The following ADAT3 variants were observed in gnomAD, a reference collection of about 807,000 sequenced individuals.
ADAT3 encodes tRNA-specific adenosine-34 deaminase regulatory subunit ADAT3.
A neutral mutation model predicts 3.5 loss-of-function variants in ADAT3; 2 were observed. The observed-to-expected ratio is 0.57, with a 90% CI of 0.23 to 1.79. The LOEUF is 1.79. ADAT3 is among the 40% of genes most tolerant of loss of function. ADAT3 has a pLI of 0.18. For synonymous variants in ADAT3, 358 were observed against 270.3 expected, an observed-to-expected ratio of 1.32 and a Z score of -3.18; for missense variants, 735 against 571.4, an observed-to-expected ratio of 1.29 and a Z score of -2.92.
Position 1,913,246 on chromosome 19 carries a change from C to A in ADAT3, c.*95C>A. 1 of 1,437,390 alleles carries A rather than the reference C, an allele frequency of 7.0e-7. No individual in the cohort carries two copies. The highest frequency in any genetic ancestry group is 9.2e-7 in the Non-Finnish European group (1 of 1,090,190). 89.0% of individuals were successfully genotyped at this position (1,437,390 alleles called of 1,614,324 possible). On this transcript the variant is annotated 3_prime_UTR_variant, in exon 2 of 2. Transcript: ENST00000329478. ...TCGATTTCTTCCGCACAAGCCTGAC[C>A]GTGGATTTCAGGGACACATACCGCC...
chr19:1,912,663 C>G lies in ADAT3; in HGVS notation c.616C>G (p.Arg206Gly). The change falls in exon 2 of 2, where the codon CGG becomes GGG. Residue 206 changes from arginine to glycine, a missense_variant. Physicochemically the swap from Arg to Gly is moderately radical, Grantham distance 125 (BLOSUM62 -2). Coordinates refer to ENST00000329478, the MANE Select transcript of ADAT3 (RefSeq NM_138422.4). Reference protein sequence around the residue: ...AVWAARRAAARGLRAVGAVVV... With the variant: ...AVWAARRAAAGGLRAVGAVVV... ...GTGGGCGGCCCGGCGGGCAGCAGCG[C>G]GGGGCTTGCGGGCCGTGGGGGCCGT... 7.0e-7 allele frequency: 1 copy of G among 1,433,674 alleles called. No individual in the cohort carries two copies. Among genetic ancestry groups the G allele is most frequent in the Non-Finnish European group, 9.1e-7 (1 of 1,104,232 alleles). The allele number at this position is 1,433,674 out of a possible 1,614,324, so 88.8% of individuals were successfully genotyped here.
At position 1,913,338 on chromosome 19, in the gene ADAT3, C is replaced by A; in HGVS notation, c.*187C>A. 2.3e-6 allele frequency: 2 copies of A among 875,936 alleles called. No homozygotes were observed. Among genetic ancestry groups the A allele is most frequent in the Non-Finnish European group, 3.4e-6 (2 of 585,754 alleles). The allele number at this position is 875,936 out of a possible 1,614,324, so 54.3% of individuals were successfully genotyped here. ...CTTTCCTGGACTCGGTCATTGGGGC[C>A]ACCCCGTGCCAGCGGTGCCCTTCTG... On this transcript the variant is annotated 3_prime_UTR_variant, in exon 2 of 2. Transcript: ENST00000329478.
In ADAT3 at chr19:1,912,126, C is replaced by G; in HGVS notation, c.79C>G (p.Pro27Ala). 1 of 1,551,472 alleles carries G rather than the reference C, an allele frequency of 6.4e-7. No individual in the cohort carries two copies. Reference protein sequence around the residue: ...MEPAPGLVEQPKCLEAGSPEP... With the variant: ...MEPAPGLVEQAKCLEAGSPEP... ...GCCCGCCCCGGGCCTCGTGGAGCAG[C>G]CCAAGTGCTTGGAGGCCGGGAGCCC... The change falls in exon 2 of 2, where the codon CCC (proline) becomes GCC (alanine). Residue 27 changes from proline (P) to alanine (A), a missense_variant. Pro to Ala is a conservative substitution (Grantham distance 27). Coordinates refer to ENST00000329478, the MANE Select transcript of ADAT3 (RefSeq NM_138422.4).
rs1429794508 is a variant in ADAT3 at position 1,912,743 on chromosome 19, C to T, written c.696C>T (p.Cys232=). The T allele has an allele frequency of 3.9e-6, 6 of 1,542,804 alleles. No homozygotes were observed. The highest frequency in any genetic ancestry group is 1.9e-5 in the Admixed American group (1 of 52,616). The change falls in exon 2 of 2, where the codon TGC becomes TGT. Residue 232 remains cysteine (C), a synonymous_variant. Transcript: ENST00000329478. ...RVLATGHDCS[C]ADNPLLHAVM... ...TGGCCACCGGCCACGACTGCAGCTG[C>T]GCGGACAACCCCCTCCTGCACGCCG...
At chr19:1,909,171 C>T (rs1264958472) in intron 1 of ADAT3, among the ~76,000 whole-genome samples, 13 of 149,418 alleles carry the variant, frequency 8.7e-5, no homozygotes, top group South Asian at 2.1e-4. Context: ...GCCTGCGGTG[C>T]GAGTCTGTGG....
intron 1 of ADAT3, chr19:1,907,986 C>G (rs1249371863): frequency 6.4e-6 from 1 of 155,950 alleles, no homozygotes; most frequent in South Asian, 1.9e-4. Flanking sequence ...GCCCAGCCTG[C>G]AGTGTCCCGG....
Position 1,912,752 on chromosome 19 carries a change from C to T in ADAT3, c.705C>T (p.Asn235=), listed in dbSNP as rs1348274755. 1.4e-5 allele frequency: 21 copies of T among 1,550,328 alleles called. No homozygotes were observed. Among genetic ancestry groups the T allele is most frequent in the African/African-American group, 9.6e-5 (7 of 72,634 alleles). The change falls in exon 2 of 2, where the codon AAC becomes AAT. Residue 235 remains asparagine, a synonymous_variant. Coordinates refer to ENST00000329478, the MANE Select transcript of ADAT3 (RefSeq NM_138422.4). ...GCCACGACTGCAGCTGCGCGGACAA[C>T]CCCCTCCTGCACGCCGTCATGGTGT... The part of the protein sequence containing the change: ...ATGHDCSCAD[N]PLLHAVMVCV...
chr19:1,910,979 C>T (rs1308008818), intron 1 of ADAT3, among the ~76,000 whole-genome samples: 1 of 151,636 alleles, frequency 6.6e-6, no homozygotes, highest in Non-Finnish European at 1.5e-5. Context: ...CTTCTGGGTT[C>T]TCCTGCAAGC....
chr19:1,911,938 C>G lies in ADAT3; in HGVS notation c.-110C>G, dbSNP rs1370572503. ...GTAGCTCTGATGCGGTGACCTGGGC[C>G]GGAGCCCTCGGACTAGCCTCAGCTT... On this transcript the variant is annotated 5_prime_UTR_variant, in exon 2 of 2. Coordinates refer to ENST00000329478, the MANE Select transcript of ADAT3 (RefSeq NM_138422.4). The G allele has an allele frequency of 3.0e-6, 4 of 1,352,354 alleles. No homozygotes were observed. Among genetic ancestry groups the G allele is most frequent in the South Asian group, 1.6e-5 (1 of 60,678 alleles). The allele number at this position is 1,352,354 out of a possible 1,614,324, so 83.8% of individuals were successfully genotyped here. A position where few individuals can be genotyped will look rare whatever the true frequency, so the allele number is the denominator to read the frequency against.
Position 1,908,709 on chromosome 19 carries a change from C to T in ADAT3, c.-158-3181C>T, listed in dbSNP as rs1228997501. The T allele has an allele frequency of 5.1e-6, 2 of 392,044 alleles. No homozygotes were observed. The highest frequency in any genetic ancestry group is 1.0e-5 in the Non-Finnish European group (2 of 198,038). 24.3% of individuals were successfully genotyped at this position (392,044 alleles called of 1,614,324 possible). A position where few individuals can be genotyped will look rare whatever the true frequency, so the allele number is the denominator to read the frequency against. ...GAACAGGGTCTCTCTATCTTGCCCA[C>T]GTTGGTCTCAAACTCCTGTGCTTAA... On this transcript the variant is annotated intron_variant, in intron 1 of 1. Coordinates refer to ENST00000329478, the MANE Select transcript of ADAT3 (RefSeq NM_138422.4). The surrounding 1 kb of genome is among the most constrained non-coding windows in gnomAD (Gnocchi z 4.2).
chr19:1,911,179 A>AT (rs910257449), intron 1 of ADAT3, among the ~76,000 whole-genome samples: 94 of 145,852 alleles, frequency 6.4e-4, no homozygotes, highest in African/African-American at 1.7e-3. Flanking sequence ...CCGGGTTTTC[A>AT]TTTTTTTTTT....
intron 1 of ADAT3, among the ~76,000 whole-genome samples, chr19:1,911,296 C>T (rs905238935): frequency 2.0e-5 from 3 of 152,028 alleles, no homozygotes; most frequent in African/African-American, 7.2e-5. Flanking sequence ...TTCAGCTTCT[C>T]GAGTAGCTGA....
rs1419847065 is a variant in ADAT3 at position 1,913,268 on chromosome 19, C to T, written c.*117C>T. The T allele has an allele frequency of 1.4e-6, 2 of 1,386,972 alleles. No individual in the cohort carries two copies. Among genetic ancestry groups the T allele is most frequent in the South Asian group, 3.0e-5 (2 of 65,768 alleles). The allele number at this position is 1,386,972 out of a possible 1,614,324, so 85.9% of individuals were successfully genotyped here. A position where few individuals can be genotyped will look rare whatever the true frequency, so the allele number is the denominator to read the frequency against. ...GACCGTGGATTTCAGGGACACATAC[C>T]GCCTCCAGCGGGGAGCACGGGTGCT... On this transcript the variant is annotated 3_prime_UTR_variant, in exon 2 of 2. Coordinates refer to ENST00000329478, the MANE Select transcript of ADAT3 (RefSeq NM_138422.4).
chr19:1,911,971 AGCAC>A lies in ADAT3; in HGVS notation c.-74_-71del. The A allele has an allele frequency of 2.1e-6, 3 of 1,405,718 alleles. No individual in the cohort carries two copies. The highest frequency in any genetic ancestry group is 2.8e-6 in the Non-Finnish European group (3 of 1,086,276). 87.1% of individuals were successfully genotyped at this position (1,405,718 alleles called of 1,614,324 possible). A position where few individuals can be genotyped will look rare whatever the true frequency, so the allele number is the denominator to read the frequency against. On this transcript the variant is annotated 5_prime_UTR_variant, in exon 2 of 2. Transcript: ENST00000329478. Reference sequence around the variant, plus strand: ...TCGGACTAGCCTCAGCTTTGGTGGCAGCACGCCCTGCCTTGTGGAGCCACGGCCT... The same window carrying A: ...TCGGACTAGCCTCAGCTTTGGTGGCAGCCCTGCCTTGTGGAGCCACGGCCT...
Position 1,913,025 on chromosome 19 carries a change from G to T in ADAT3, c.978G>T (p.Ala326=). ...GCATCCTGCGCGTCTTCTACGGTGC[G>T]CCCTCGCCCGACGGCGCCCTGGGCA... The part of the protein sequence containing the change: ...HARILRVFYG[A]PSPDGALGTR... Residue 326 remains alanine, a synonymous_variant, in exon 2 of 2, where the codon GCG becomes GCT. Transcript: ENST00000329478. The T allele has an allele frequency of 1.2e-6, 2 of 1,605,156 alleles. No individual in the cohort carries two copies. The highest frequency in any genetic ancestry group is 2.2e-5 in the East Asian group (1 of 44,838).
Position 1,912,293 on chromosome 19 carries a change from G to GCAC in ADAT3, c.248_250dup (p.His83dup). 1 of 1,571,248 alleles carries GCAC rather than the reference G, an allele frequency of 6.4e-7. No individual in the cohort carries two copies. The highest frequency in any genetic ancestry group is 8.6e-7 in the Non-Finnish European group (1 of 1,163,998). On this transcript the variant is annotated inframe_insertion, in exon 2 of 2. Transcript: ENST00000329478. The stretch of plus-strand genomic sequence containing the variant: ...GCCTCCTGAAGGAGGTGTCGGCCCT[G>GCAC]CACCCGCTCCCCGCCCAGCCTCACC...
chr19:1,913,288 G>GAAGGCAGCACCC lies in ADAT3; in HGVS notation c.*137_*138insAAGGCAGCACCC. 2.3e-6 allele frequency: 3 copies of GAAGGCAGCACCC among 1,286,048 alleles called. No individual in the cohort carries two copies. Among genetic ancestry groups the GAAGGCAGCACCC allele is most frequent in the Non-Finnish European group, 3.1e-6 (3 of 954,592 alleles). The allele number at this position is 1,286,048 out of a possible 1,614,324, so 79.7% of individuals were successfully genotyped here. ...CATACCGCCTCCAGCGGGGAGCACG[G>GAAGGCAGCACCC]GTGCTGCCTTCCGTGCGGATCGAGC... On this transcript the variant is annotated 3_prime_UTR_variant, in exon 2 of 2. Coordinates refer to ENST00000329478, the MANE Select transcript of ADAT3 (RefSeq NM_138422.4).
In ADAT3 at chr19:1,912,640, G is replaced by A; in HGVS notation, c.593G>A (p.Trp198Ter). The change falls in exon 2 of 2, where the codon TGG (tryptophan) becomes TAG (stop). Residue 198 changes from tryptophan (W) to a stop codon, truncating the protein, a stop_gained. Coordinates refer to ENST00000329478, the MANE Select transcript of ADAT3 (RefSeq NM_138422.4). LOFTEE classifies it low-confidence loss of function (END_TRUNC). The part of the protein sequence containing the change: ...AMQSHMERAV[W>*]AARRAAARGL... Reference sequence around the variant, plus strand: ...CAGAGCCACATGGAGCGGGCGGTGTGGGCGGCCCGGCGGGCAGCAGCGCGG... The same window carrying A: ...CAGAGCCACATGGAGCGGGCGGTGTAGGCGGCCCGGCGGGCAGCAGCGCGG... 7.0e-7 allele frequency: 1 copy of A among 1,430,180 alleles called. No individual in the cohort carries two copies. Among genetic ancestry groups the A allele is most frequent in the Admixed American group, 3.1e-5 (1 of 31,764 alleles). 88.6% of individuals were successfully genotyped at this position (1,430,180 alleles called of 1,614,324 possible). A position where few individuals can be genotyped will look rare whatever the true frequency, so the allele number is the denominator to read the frequency against.
chr19:1,907,543 T>G lies in ADAT3; in HGVS notation c.-159+2104T>G, dbSNP rs575608978. On this transcript the variant is annotated intron_variant, in intron 1 of 1. Coordinates refer to ENST00000329478, the MANE Select transcript of ADAT3 (RefSeq NM_138422.4). ...AGGGCAGGTTGGGGACTGGGTGTGT[T>G]TTCTGGGTGGACATACCCAGGTCCC... Among the ~76,000 whole-genome samples, 304 of 152,194 alleles carry G rather than the reference T, an allele frequency of 2.0e-3. 1 individual carries two copies. Among genetic ancestry groups the G allele is most frequent in the Non-Finnish European group, 3.1e-3 (211 of 67,998 alleles).
Sources: gnomAD v4.1 joint callset for allele counts (sites outside exome capture counted in the v4.1 genomes callset) on GRCh38, gnomAD v4.1.1 for gene constraint, Gnocchi (gnomAD v3.1) non-coding constraint, MANE v1.5 for transcripts, NCBI Gene and HGNC (gene_info 2026-07-23, HGNC 2026-07-21) for gene names.